Variants in PNLIPRP1 observed in about 807,000 individuals in gnomAD.
PNLIPRP1 encodes the protein pancreatic lipase related protein 1.
In PNLIPRP1, 57 loss-of-function variants were observed where a neutral mutation model predicts 54.6. That is an observed-to-expected ratio of 1.04 (90% confidence interval 0.84 to 1.30). PNLIPRP1 has a LOEUF of 1.30. Ranked by LOEUF, PNLIPRP1 falls within the 50% of genes most tolerant of loss-of-function variation. The probability of loss-of-function intolerance (pLI) is 0.00; values close to 1 mark genes in which losing one functional copy is unlikely to be tolerated. For synonymous variants in PNLIPRP1, 232 were observed against 208.8 expected (o/e 1.11, Z -0.96); for missense variants, 567 against 568.5 (o/e 1.00, Z 0.03).
rs181837868 is a variant in PNLIPRP1 at position 116,607,818 on chromosome 10, T to C, written c.1341-1235T>C. 2.4e-3 allele frequency among the ~76,000 whole-genome samples: 367 copies of C among 152,316 alleles called. 2 individuals carry two copies. Among genetic ancestry groups the C allele is most frequent in the South Asian group, 2.5e-3 (12 of 4,828 alleles). ...ATTGTAAGACTTTTTACATTTACCA[T>C]CATGGGATGTTACGTTCTTATCATG... On this transcript the variant is annotated intron_variant, in intron 12 of 12. Coordinates refer to ENST00000358834, the MANE Select transcript of PNLIPRP1 (RefSeq NM_006229.4).
chr10:116,591,387 G>C (rs1342961341), intron 2 of PNLIPRP1, among the ~76,000 whole-genome samples: 1 of 152,142 alleles, frequency 6.6e-6, no homozygotes, highest in African/African-American at 2.4e-5. Flanking sequence ...CTTCATGCTC[G>C]GGGTGCCCAA....
At chr10:116,602,879 G>T (rs113609511) in intron 10 of PNLIPRP1, among the ~76,000 whole-genome samples, 1 of 152,148 alleles carries the variant, frequency 6.6e-6, no homozygotes, top group Non-Finnish European at 1.5e-5. Flanking sequence ...ATGTATGTGC[G>T]TGGTTAAATG....
At chr10:116,594,307 A>G (rs782571708) in intron 4 of PNLIPRP1, 4 of 512,272 alleles carry the variant, frequency 7.8e-6, no homozygotes, top group African/African-American at 1.9e-5. Context: ...CTTCTCTCTC[A>G]CTTTCCAGCA....
intron 8 of PNLIPRP1, 65 bp from the exon 9 acceptor site, chr10:116,599,982 G>C (rs1564738059): frequency 2.0e-5 from 19 of 968,850 alleles, no homozygotes; most frequent in Non-Finnish European, 2.7e-5. Flanking sequence ...CATTTGGAGA[G>C]AGAGGCAGAG....
At chr10:116,603,844 G>T (rs1267732504) in intron 10 of PNLIPRP1, among the ~76,000 whole-genome samples, 186 bp from the exon 11 acceptor site, 1 of 152,186 alleles carries the variant, frequency 6.6e-6, no homozygotes, top group East Asian at 1.9e-4. Context: ...AGTGAGCCAA[G>T]ATTGCACCAC....
At chr10:116,605,576 GC>G in intron 12 of PNLIPRP1, 23 bp downstream of exon 12, 2 of 1,455,380 alleles carry the variant, frequency 1.4e-6, no homozygotes, top group Non-Finnish European at 1.8e-6. Flanking sequence ...GCTGGCTGGT[GC>G]CTAAAAATGT....
chr10:116,605,313 C>G (rs1847918271), intron 11 of PNLIPRP1, 73 bp from the exon 12 acceptor site: 4 of 780,704 alleles, frequency 5.1e-6, no homozygotes, highest in African/African-American at 3.5e-5. Flanking sequence ...GAAGAGAAAA[C>G]AGCAGCCTGG....
intron 4 of PNLIPRP1, chr10:116,593,167 C>CAA (rs57951858): frequency 0.01 from 793 of 79,060 alleles, 8 homozygotes; most frequent in African/African-American, 0.029. Flanking sequence ...GACTCCATCT[C>CAA]AAAAAAAAAA....
Position 116,591,856 on chromosome 10 carries a change from C to G in PNLIPRP1, c.135C>G (p.Leu45=), listed in dbSNP as rs782402474. 2 of 1,614,226 alleles carry G rather than the reference C, an allele frequency of 1.2e-6. No homozygotes were observed. The highest frequency in any genetic ancestry group is 3.3e-5 in the Admixed American group (2 of 60,026). ...CAGCAATCAGGCCCCTGAAAATTCT[C>G]CCCTGGAGCCCTGAGAAGATCGGCA... is the stretch of plus-strand genomic sequence containing the variant. ...GGTAIRPLKI[L]PWSPEKIGTR... The change falls in exon 3 of 13, where the codon CTC becomes CTG. Residue 45 remains leucine (L), a synonymous_variant. Coordinates refer to ENST00000358834, the MANE Select transcript of PNLIPRP1 (RefSeq NM_006229.4).
chr10:116,603,106 T>C (rs1371997106), intron 10 of PNLIPRP1, among the ~76,000 whole-genome samples: 2 of 152,230 alleles, frequency 1.3e-5, no homozygotes, highest in Admixed American at 6.5e-5. Context: ...TGTATTTGTG[T>C]GCGTGTGCAT....
chr10:116,594,192 A>G (rs1847692736), intron 4 of PNLIPRP1: 9 of 378,160 alleles, frequency 2.4e-5, no homozygotes, highest in South Asian at 1.8e-4. Context: ...TTTTCCTTCC[A>G]GAATTCTTCA....
chr10:116,592,393 A>C (rs1867991), intron 3 of PNLIPRP1, 23 bp from the exon 4 acceptor site: 1,104,798 of 1,570,664 alleles, frequency 0.7, 389,833 homozygotes, highest in Admixed American at 0.72. Context: ...CGAAAACATG[A>C]AGCACTTCTG....
At chr10:116,602,527 T>A (rs1847865063) in intron 10 of PNLIPRP1, among the ~76,000 whole-genome samples, 1 of 152,186 alleles carries the variant, frequency 6.6e-6, no homozygotes, top group East Asian at 1.9e-4. Flanking sequence ...CTCATGAAAT[T>A]AATAATCCAG....
intron 10 of PNLIPRP1, 92 bp downstream of exon 10, chr10:116,601,293 G>T (rs923558139): frequency 1.7e-6 from 2 of 1,196,252 alleles, no homozygotes; most frequent in African/African-American, 1.5e-5. Flanking sequence ...AATATTTGTG[G>T]GTACATTTTA....
intron 4 of PNLIPRP1, 32 bp from the exon 5 acceptor site, chr10:116,594,698 T>G: frequency 1.2e-6 from 2 of 1,613,282 alleles, no homozygotes; most frequent in Non-Finnish European, 1.7e-6. Flanking sequence ...GCTCCCATTA[T>G]CTCCCCAACC....
intron 12 of PNLIPRP1, among the ~76,000 whole-genome samples, chr10:116,608,021 A>G (rs1847965362): frequency 6.6e-6 from 1 of 151,918 alleles, no homozygotes; most frequent in Non-Finnish European, 1.5e-5. Context: ...ACGCCCGGCT[A>G]ATTTTTGTAT....
chr10:116,605,308 G>C (rs1847918178), intron 11 of PNLIPRP1, 78 bp from the exon 12 acceptor site: 1 of 767,432 alleles, frequency 1.3e-6, no homozygotes, highest in African/African-American at 1.8e-5. Flanking sequence ...ATCTAGAAGA[G>C]AAAACAGCAG....
rs781947468 is a variant in PNLIPRP1, at chr10:116,594,870, T to A, written c.465+6T>A. 5 of 1,613,446 alleles carry A rather than the reference T, an allele frequency of 3.1e-6. No individual in the cohort carries two copies. The Admixed American group carries it at 6.7e-5, about 22-fold the overall frequency. On this transcript the variant is annotated splice_donor_region_variant and intron_variant, in intron 5 of 12. Coordinates refer to ENST00000358834, the MANE Select transcript of PNLIPRP1 (RefSeq NM_006229.4). ...AGATGCTCGACATCCTCTTGGTGAG[T>A]CAGCTGGCTGGCCTATGTGAGGAGG... is the stretch of plus-strand genomic sequence containing the variant.
chr10:116,602,108 C>T (rs897891249), intron 10 of PNLIPRP1, among the ~76,000 whole-genome samples: 9 of 152,106 alleles, frequency 5.9e-5, no homozygotes, highest in South Asian at 2.1e-4. Flanking sequence ...CTCCCCCTCC[C>T]GGGTTCACGC....
Sources: allele counts gnomAD v4.1 joint callset (sites outside exome capture counted in the v4.1 genomes callset), GRCh38; gene constraint gnomAD v4.1.1; transcripts MANE v1.5; gene names NCBI Gene and HGNC (gene_info 2026-07-23, HGNC 2026-07-21).